The following NUMB variants were observed in gnomAD, a reference collection of about 807,000 sequenced individuals.
The protein encoded by NUMB is protein numb homolog.
In NUMB, 29 loss-of-function variants were observed where a neutral mutation model predicts 59.7. The observed-to-expected ratio is 0.49, with a 90% CI of 0.36 to 0.66. The LOEUF is 0.66. Ranked by LOEUF, NUMB falls within the 30% of genes least tolerant of loss-of-function variation. The probability of loss-of-function intolerance (pLI) is 0.00; values close to 1 mark genes in which losing one functional copy is unlikely to be tolerated. For missense variants in NUMB, 723 were observed against 822.0 expected (o/e 0.88, Z 1.47); for synonymous variants, 288 against 288.2 (o/e 1.00, Z 0.01).
chr14:73,337,173 G>A (rs1442561816), intron 4 of NUMB, among the ~76,000 whole-genome samples: 1 of 151,714 alleles, frequency 6.6e-6, no homozygotes, highest in East Asian at 1.9e-4. Flanking sequence ...ATAAGTACAC[G>A]AAAACTTTTG....
chr14:73,374,615 T>C (rs1352627850), intron 2 of NUMB, among the ~76,000 whole-genome samples: 1 of 152,160 alleles, frequency 6.6e-6, no homozygotes, highest in Non-Finnish European at 1.5e-5. Context: ...AAATGTTTAT[T>C]TTCCTTCTAA....
At chr14:73,314,533 A>G (rs1890975608) in intron 6 of NUMB, among the ~76,000 whole-genome samples, 1 of 152,164 alleles carries the variant, frequency 6.6e-6, no homozygotes, top group African/African-American at 2.4e-5. Context: ...TATACGTAGC[A>G]ATAAATACTG....
intron 7 of NUMB, among the ~76,000 whole-genome samples, chr14:73,296,511 T>C (rs1007260926): frequency 1.1e-4 from 16 of 151,974 alleles, no homozygotes; most frequent in Non-Finnish European, 2.1e-4. Context: ...ACATGCTATG[T>C]CATGTAGAAC....
At chr14:73,325,730 A>T (rs1891627705) in intron 4 of NUMB, among the ~76,000 whole-genome samples, 1 of 152,234 alleles carries the variant, frequency 6.6e-6, no homozygotes, top group Non-Finnish European at 1.5e-5. Context: ...TTTGAGGACC[A>T]GGAAATGGAA....
rs1888231629 is a variant in NUMB at position 73,277,258 on chromosome 14, G to A, written c.1276C>T (p.Pro426Ser). ...CTATGACCGGCCTGGAAGAGACCTG[G>A]AGAGGCAGCACCAGAAGATTGACCC... The part of the protein sequence containing the change: ...EWGQSSGAAS[P>S]GLFQAGHRRT... The change falls in exon 13 of 13, where the codon CCA (proline) becomes TCA (serine). Residue 426 changes from proline (P) to serine (S), a missense_variant. By Grantham distance (74) the Pro-to-Ser change is moderately conservative (BLOSUM62 -1). Coordinates refer to ENST00000555238, the MANE Select transcript of NUMB (RefSeq NM_001005743.2). The A allele has an allele frequency of 1.9e-6, 3 of 1,606,148 alleles. No individual in the cohort carries two copies. Among genetic ancestry groups the A allele is most frequent in the South Asian group, 2.2e-5 (2 of 90,974 alleles).
At chr14:73,307,892 C>T (rs796499516) in intron 6 of NUMB, among the ~76,000 whole-genome samples, 5 of 152,122 alleles carry the variant, frequency 3.3e-5, no homozygotes, top group African/African-American at 9.6e-5. Context: ...GCCACCACGC[C>T]CGGCTAATTT....
At chr14:73,387,741 A>C (rs1566774367) in intron 2 of NUMB, among the ~76,000 whole-genome samples, 1 of 148,440 alleles carries the variant, frequency 6.7e-6, no homozygotes, top group Non-Finnish European at 1.5e-5. Context: ...TCAAAAAAAA[A>C]AAAACAAAAA....
intron 1 of NUMB, among the ~76,000 whole-genome samples, chr14:73,429,324 A>C (rs1013928174): frequency 1.3e-5 from 2 of 152,090 alleles, no homozygotes; most frequent in African/African-American, 4.8e-5. Context: ...GTGAGCAGAG[A>C]TCACGCCACT....
At chr14:73,306,696 A>G (rs1890453151) in intron 6 of NUMB, among the ~76,000 whole-genome samples, 1 of 152,162 alleles carries the variant, frequency 6.6e-6, no homozygotes, top group African/African-American at 2.4e-5. Context: ...CTTCATTACA[A>G]CCTTTCACAT....
chr14:73,352,475 CACATATATATATAT>C (rs1432220114), intron 4 of NUMB, among the ~76,000 whole-genome samples: 13 of 13,736 alleles, frequency 9.5e-4, no homozygotes, highest in African/African-American at 1.2e-3. Flanking sequence ...CACACACACA[CACATATATATATAT>C]ATATATATAT....
At chr14:73,432,687 C>T (rs185709582) in intron 1 of NUMB, among the ~76,000 whole-genome samples, 19 of 152,178 alleles carry the variant, frequency 1.2e-4, no homozygotes, top group African/African-American at 4.6e-4. Context: ...TTAAGTCAGC[C>T]ATGACAGGAA....
intron 2 of NUMB, among the ~76,000 whole-genome samples, chr14:73,389,688 G>A (rs1485025162): frequency 1.3e-5 from 2 of 152,136 alleles, no homozygotes; most frequent in Non-Finnish European, 2.9e-5. Flanking sequence ...AAAGTTTAAA[G>A]TTAATACTAT....
chr14:73,445,615 C>T (rs1407667062), intron 1 of NUMB, among the ~76,000 whole-genome samples: 1 of 152,110 alleles, frequency 6.6e-6, no homozygotes, highest in African/African-American at 2.4e-5. Context: ...GGTAAAAATG[C>T]TGGGTCCTTG....
At chr14:73,451,183 A>C (rs1883941484) in intron 1 of NUMB, among the ~76,000 whole-genome samples, 2 of 147,566 alleles carry the variant, frequency 1.4e-5, no homozygotes, top group Non-Finnish European at 3.0e-5. Flanking sequence ...AACAAAAAAC[A>C]AATCTACACT....
At chr14:73,421,601 G>A (rs1245461063) in intron 1 of NUMB, among the ~76,000 whole-genome samples, 1 of 152,154 alleles carries the variant, frequency 6.6e-6, no homozygotes. Flanking sequence ...GAATATGACA[G>A]CTACAAATGT....
At chr14:73,289,407 G>T (rs988120912) in intron 8 of NUMB, among the ~76,000 whole-genome samples, 4 of 152,180 alleles carry the variant, frequency 2.6e-5, no homozygotes, top group Non-Finnish European at 5.9e-5. Context: ...AGACCATTTT[G>T]CTAATTGTGG....
At chr14:73,382,117 C>G (rs545658204) in intron 2 of NUMB, among the ~76,000 whole-genome samples, 2 of 152,266 alleles carry the variant, frequency 1.3e-5, no homozygotes, top group Non-Finnish European at 2.9e-5. Flanking sequence ...TTACTGAATC[C>G]CAACATGCGG....
At chr14:73,297,605 C>A in intron 6 of NUMB, 1 of 192,694 alleles carries the variant, frequency 5.2e-6, no homozygotes, top group Non-Finnish European at 1.1e-5. Context: ...GATTCTTCAC[C>A]CATTTAAAAA....
intron 5 of NUMB, among the ~76,000 whole-genome samples, chr14:73,317,293 T>G (rs937308181): frequency 1.4e-5 from 2 of 145,946 alleles, no homozygotes; most frequent in African/African-American, 5.0e-5. Context: ...TATTATTATT[T>G]GGTTTTTGTT....
Sources: allele counts gnomAD v4.1 joint callset (sites outside exome capture counted in the v4.1 genomes callset), GRCh38; gene constraint gnomAD v4.1.1; transcripts MANE v1.5; gene names NCBI Gene and HGNC (gene_info 2026-07-23, HGNC 2026-07-21).